ZDHHC13: variants seen among roughly 807,000 people sequenced by gnomAD.
ZDHHC13 encodes the protein palmitoyltransferase ZDHHC13.
In ZDHHC13, 85 loss-of-function variants were observed where a neutral mutation model predicts 86.0. The ratio of observed to expected loss-of-function variants is 0.99; its 90% CI spans 0.83 to 1.18. ZDHHC13 has a LOEUF of 1.18. Ranked by LOEUF, ZDHHC13 falls within the 50% of genes most tolerant of loss-of-function variation. The pLI is 0.00. For missense variants in ZDHHC13, 711 were observed against 730.2 expected (o/e 0.97, Z 0.30); for synonymous variants, 263 against 246.4 (o/e 1.07, Z -0.63).
In ZDHHC13 at chr11:19,149,598, G is replaced by T. The variant is rs375134180; in HGVS notation, c.519+267G>T. Among the ~76,000 whole-genome samples, 51 of 152,236 alleles carry T rather than the reference G, an allele frequency of 3.4e-4. No individual in the cohort carries two copies. In the Middle Eastern group the frequency reaches 0.01, roughly 30 times the overall value. On this transcript the variant is annotated intron_variant, in intron 5 of 16. Transcript: ENST00000446113. The stretch of plus-strand genomic sequence containing the variant: ...GTTTTTCTTATGAACCCAGTAATTT[G>T]CAGAGTTTCTCAAAAACATGACTTC...
intron 1 of ZDHHC13, among the ~76,000 whole-genome samples, chr11:19,128,044 T>C (rs537868044): frequency 2.0e-4 from 30 of 152,344 alleles, no homozygotes; most frequent in African/African-American, 7.2e-4. Context: ...CTTTGGGTAG[T>C]ATGGCCATTT....
intron 8 of ZDHHC13, among the ~76,000 whole-genome samples, chr11:19,153,620 T>G (rs1210907730): frequency 6.6e-6 from 1 of 152,184 alleles, no homozygotes; most frequent in Non-Finnish European, 1.5e-5. Flanking sequence ...TGCCCCAGGA[T>G]TTTGTTATTG....
intron 1 of ZDHHC13, among the ~76,000 whole-genome samples, chr11:19,121,588 A>G (rs75456493): frequency 0.022 from 3,410 of 152,318 alleles, 100 homozygotes; most frequent in East Asian, 0.13. Context: ...TGAATGAATA[A>G]TTGATGAAAA....
intron 1 of ZDHHC13, among the ~76,000 whole-genome samples, chr11:19,133,999 A>G (rs1391286170): frequency 6.9e-6 from 1 of 144,846 alleles, no homozygotes; most frequent in Non-Finnish European, 1.5e-5. Flanking sequence ...ATTTTCAGAT[A>G]TTCAGAGGTT....
intron 1 of ZDHHC13, among the ~76,000 whole-genome samples, chr11:19,136,359 G>A (rs1849139703): frequency 6.6e-6 from 1 of 152,056 alleles, no homozygotes; most frequent in East Asian, 1.9e-4. Context: ...GAAGCGAGAA[G>A]GGAAGTTTAG....
At chr11:19,136,684 C>A (rs1477252025) in intron 1 of ZDHHC13, among the ~76,000 whole-genome samples, 2 of 151,872 alleles carry the variant, frequency 1.3e-5, no homozygotes, top group Non-Finnish European at 2.9e-5. Context: ...GTCGGGTTAC[C>A]CACAAAGGGA....
At chr11:19,164,975 G>A (rs927153645) in intron 12 of ZDHHC13, 77 bp from the exon 13 acceptor site, 69 of 1,292,278 alleles carry the variant, frequency 5.3e-5, no homozygotes, top group Non-Finnish European at 6.8e-5. Flanking sequence ...GTGACCTAAA[G>A]TTAAAATTTT....
intron 8 of ZDHHC13, among the ~76,000 whole-genome samples, chr11:19,154,352 A>G (rs1370770498): frequency 1.3e-5 from 2 of 152,154 alleles, no homozygotes; most frequent in African/African-American, 4.8e-5. Flanking sequence ...TTCTGAGATT[A>G]TGTTGCTAGG....
At chr11:19,141,845 C>T (rs1477737038) in intron 1 of ZDHHC13, among the ~76,000 whole-genome samples, 4 of 151,884 alleles carry the variant, frequency 2.6e-5, no homozygotes, top group African/African-American at 7.3e-5. Flanking sequence ...ATAGGTGATC[C>T]GAATGTAACA....
chr11:19,167,016 G>T (rs901595801), intron 14 of ZDHHC13: 2 of 152,096 alleles, frequency 1.3e-5, no homozygotes, highest in African/African-American at 4.8e-5. Flanking sequence ...AGAAGGACAG[G>T]GTTTAAATTG....
intron 14 of ZDHHC13, 31 bp from the exon 15 acceptor site, chr11:19,170,380 T>C (rs1465758687): frequency 8.2e-7 from 1 of 1,214,688 alleles, no homozygotes; most frequent in Admixed American, 3.1e-5. Flanking sequence ...ATTGCCTTTT[T>C]TTTTTTTTTT....
intron 10 of ZDHHC13, among the ~76,000 whole-genome samples, chr11:19,162,718 C>T (rs75459019): frequency 0.016 from 2,383 of 152,114 alleles, 68 homozygotes; most frequent in African/African-American, 0.054. Context: ...GTCAGCTCAG[C>T]GTGCAGGATC....
chr11:19,170,601 T>G, intron 15 of ZDHHC13, 33 bp downstream of exon 15: 1 of 1,490,546 alleles, frequency 6.7e-7, no homozygotes, highest in Non-Finnish European at 8.9e-7. Flanking sequence ...TGGCTTTGAG[T>G]AAAATTTCTA....
intron 10 of ZDHHC13, among the ~76,000 whole-genome samples, chr11:19,161,555 T>C (rs185263512): frequency 6.6e-6 from 1 of 152,042 alleles, no homozygotes; most frequent in Admixed American, 6.6e-5. Context: ...TGGTACCTTT[T>C]ATAAGTTCAG....
At chr11:19,175,418 G>GAT (rs1491136456) in intron 16 of ZDHHC13, among the ~76,000 whole-genome samples, 1 of 114,058 alleles carries the variant, frequency 8.8e-6, no homozygotes, top group Non-Finnish European at 1.8e-5. Context: ...AAAAAAAAAA[G>GAT]GTTTAGGGAA....
chr11:19,141,029 A>G (rs1173028062), intron 1 of ZDHHC13, among the ~76,000 whole-genome samples: 1 of 151,980 alleles, frequency 6.6e-6, no homozygotes, highest in Admixed American at 6.5e-5. Context: ...ACTAACCTGC[A>G]CATTGTGCAC....
intron 1 of ZDHHC13, among the ~76,000 whole-genome samples, chr11:19,121,172 A>G (rs1044346090): frequency 5.3e-5 from 8 of 152,334 alleles, no homozygotes; most frequent in Admixed American, 3.9e-4. Context: ...CTTACTTTCC[A>G]AAGGTTCATG....
At chr11:19,152,382 A>G in intron 7 of ZDHHC13, 62 bp downstream of exon 7, 1 of 1,559,716 alleles carries the variant, frequency 6.4e-7, no homozygotes, top group African/African-American at 1.4e-5. Context: ...TTGATAAATT[A>G]ACGTAAAGAT....
intron 6 of ZDHHC13, among the ~76,000 whole-genome samples, chr11:19,151,091 T>A (rs1030763631): frequency 3.9e-5 from 6 of 152,066 alleles, no homozygotes; most frequent in African/African-American, 1.4e-4. Flanking sequence ...ATGACTTGTA[T>A]TTCTTCCTTT....
Sources: gnomAD v4.1 joint callset for allele counts (sites outside exome capture counted in the v4.1 genomes callset) on GRCh38, gnomAD v4.1.1 for gene constraint, MANE v1.5 for transcripts, NCBI Gene and HGNC (gene_info 2026-07-23, HGNC 2026-07-21) for gene names.